Variants in MPHOSPH10 observed in about 807,000 individuals in gnomAD.
MPHOSPH10 encodes the protein M-phase phosphoprotein 10.
In MPHOSPH10, 33 loss-of-function variants were observed where a neutral mutation model predicts 77.3. That is an observed-to-expected ratio of 0.43 (90% CI 0.32 to 0.57). MPHOSPH10 has a LOEUF of 0.57. MPHOSPH10 is among the 20% of genes least tolerant of loss of function. The pLI, the probability that MPHOSPH10 is intolerant of heterozygous loss-of-function variation, is 0.07. For missense variants in MPHOSPH10, 708 were observed against 780.1 expected, an observed-to-expected ratio of 0.91 and a Z score of 1.10; for synonymous variants, 245 against 268.0, an observed-to-expected ratio of 0.91 and a Z score of 0.84.
At position 71,130,735 on chromosome 2, in the gene MPHOSPH10, C is replaced by G. The variant is rs758121357; in HGVS notation, c.70C>G (p.Arg24Gly). The change falls in exon 1 of 11, where the codon CGG becomes GGG. Residue 24 changes from arginine to glycine, a missense_variant. Transcript: ENST00000244230. ...CLTEVGKATG[R>G]PECFLTIQEG... is the part of the protein sequence containing the mutation. ...GACGGAAGTCGGCAAAGCCACGGGT[C>G]GGCCCGAGTGCTTCCTCACGTAAGT... is the stretch of plus-strand genomic sequence containing the variant. The G allele has an allele frequency of 6.2e-7, 1 of 1,610,088 alleles. No individual in the cohort carries two copies. Among genetic ancestry groups the G allele is most frequent in the South Asian group, 1.1e-5 (1 of 90,770 alleles).
Position 71,139,820 on chromosome 2 carries a change from C to T in MPHOSPH10, c.1266C>T (p.Thr422=), listed in dbSNP as rs1291873463. The change falls in exon 6 of 11, where the codon ACC becomes ACT. Residue 422 remains threonine (T), a synonymous_variant. Transcript: ENST00000244230. ...RMAPVITEET[T]LQLEDIIKQR... The stretch of plus-strand genomic sequence containing the variant: ...CACCTGTGATTACAGAGGAAACCAC[C>T]CTTCAACTGGAAGATATCATTAAAC... 6 of 1,609,576 alleles carry T rather than the reference C, an allele frequency of 3.7e-6. No individual in the cohort carries two copies. Among genetic ancestry groups the T allele is most frequent in the Non-Finnish European group, 5.1e-6 (6 of 1,177,930 alleles).
In MPHOSPH10 at chr2:71,138,571, A is replaced by C. The variant is rs1673542376; in HGVS notation, c.1180A>C (p.Lys394Gln). 1 of 1,614,092 alleles carries C rather than the reference A, an allele frequency of 6.2e-7. No individual in the cohort carries two copies. Among genetic ancestry groups the C allele is most frequent in the African/African-American group, 1.3e-5 (1 of 74,938 alleles). Reference sequence around the variant, plus strand: ...GCTTCAGGGGGAAGTGACAGCACAGAAGAGGCCAGAGAACAGCCTCCTGGA... The same window carrying C: ...GCTTCAGGGGGAAGTGACAGCACAGCAGAGGCCAGAGAACAGCCTCCTGGA... ...WQLQGEVTAQ[K>Q]RPENSLLEET... Residue 394 changes from lysine to glutamine, a missense_variant, in exon 5 of 11, where the codon AAG becomes CAG. Physicochemically the swap from Lys to Gln is moderately conservative, Grantham distance 53. Around this residue, in one of 3 missense-constraint regions of MPHOSPH10, gnomAD observed 12 missense variants for 27.6 expected, o/e 0.44. Coordinates refer to ENST00000244230, the MANE Select transcript of MPHOSPH10 (RefSeq NM_005791.3).
chr2:71,139,750 T>G (rs754935624), intron 5 of MPHOSPH10, 45 bp from the exon 6 acceptor site: 8 of 1,373,456 alleles, frequency 5.8e-6, no homozygotes, highest in Non-Finnish European at 7.2e-6. Flanking sequence ...GAATCAATGG[T>G]CTAGTGGATA....
chr2:71,147,848 A>G (rs1673748291), intron 8 of MPHOSPH10, 151 bp from the exon 9 acceptor site: 3 of 608,430 alleles, frequency 4.9e-6, no homozygotes, highest in Non-Finnish European at 8.5e-6. Flanking sequence ...AATAGTCTCC[A>G]TTAGGTTTGC....
rs748249290 is a variant in MPHOSPH10, at chr2:71,138,485, C to T, written c.1099-5C>T. On this transcript the variant is annotated splice_polypyrimidine_tract_variant and splice_region_variant and intron_variant, in intron 4 of 10. Coordinates refer to ENST00000244230, the MANE Select transcript of MPHOSPH10 (RefSeq NM_005791.3). ...TGTATACTAGTTATTTTATCTCTTT[C>T]TTAGATGAATGAAAAAATTGCATCT... 2 of 1,566,200 alleles carry T rather than the reference C, an allele frequency of 1.3e-6. No individual in the cohort carries two copies. Among genetic ancestry groups the T allele is most frequent in the African/African-American group, 2.8e-5 (2 of 72,476 alleles).
At chr2:71,144,380 A>C in intron 7 of MPHOSPH10, 48 bp from the exon 8 acceptor site, 1 of 1,338,902 alleles carries the variant, frequency 7.5e-7, no homozygotes, top group Non-Finnish European at 1.1e-6. Flanking sequence ...TTGTCCTGTG[A>C]TATATATCAA....
Position 71,148,080 on chromosome 2 carries a change from G to T in MPHOSPH10, c.1639G>T (p.Ala547Ser), listed in dbSNP as rs773869811. The T allele has an allele frequency of 5.6e-6, 9 of 1,613,920 alleles. No homozygotes were observed. In the Admixed American group the frequency reaches 1.5e-4, roughly 27 times the overall value. Residue 547 changes from alanine to serine, a missense_variant, in exon 9 of 11, where the codon GCT becomes TCT. Transcript: ENST00000244230. The part of the protein sequence containing the change: ...EVAPVSVSDA[A>S]LLAPEEIKEK... The stretch of plus-strand genomic sequence containing the variant: ...AGCCCCAGTGAGTGTTAGTGATGCA[G>T]CTCTCCTGGCCCCAGAGGAGATCAA...
intron 8 of MPHOSPH10, among the ~76,000 whole-genome samples, chr2:71,145,557 T>C (rs1673690946): frequency 1.3e-5 from 2 of 151,240 alleles, no homozygotes; most frequent in South Asian, 4.3e-4. Flanking sequence ...TGTAATTACA[T>C]GCAAGTAAGT....
chr2:71,144,438 CAGA>C lies in MPHOSPH10; in HGVS notation c.1465_1467del (p.Glu489del), dbSNP rs577215721. On this transcript the variant is annotated inframe_deletion, in exon 8 of 11. Coordinates refer to ENST00000244230, the MANE Select transcript of MPHOSPH10 (RefSeq NM_005791.3). The stretch of plus-strand genomic sequence containing the variant: ...AACTTATTTCCTAAGCAAAAAACAG[CAGA>C]AGAAGAAAATCCAGAACATGTAGAA... The C allele has an allele frequency of 8.7e-5, 140 of 1,613,320 alleles. 1 individual carries two copies. In the South Asian group the frequency reaches 9.9e-4, roughly 11 times the overall value.
intron 10 of MPHOSPH10, 53 bp downstream of exon 10, chr2:71,149,506 A>C: frequency 6.6e-7 from 1 of 1,508,030 alleles, no homozygotes; most frequent in African/African-American, 1.4e-5. Context: ...GGGGAAGTGG[A>C]TAGCAAGTGC....
At chr2:71,136,428 T>A (rs942588597) in intron 4 of MPHOSPH10, among the ~76,000 whole-genome samples, 6 of 151,624 alleles carry the variant, frequency 4.0e-5, no homozygotes, top group African/African-American at 1.5e-4. Flanking sequence ...TGGGGGAGGA[T>A]CTCTTGAGTC....
At chr2:71,131,779 A>G (rs1673386186) in intron 1 of MPHOSPH10, among the ~76,000 whole-genome samples, 1 of 152,198 alleles carries the variant, frequency 6.6e-6, no homozygotes, top group African/African-American at 2.4e-5. Context: ...TTGATCAGTT[A>G]AGGTAGGGCA....
rs765235052 is a variant in MPHOSPH10 at position 71,149,916 on chromosome 2, A to T, written c.1947A>T (p.Lys649Asn). 8.9e-6 allele frequency: 14 copies of T among 1,576,626 alleles called. No homozygotes were observed. The South Asian group carries it at 1.7e-4, about 19-fold the overall frequency. ...AGTCCTCTCAAGCATTCTTTTCTAA[A>T]TTACAAGATCAAGTAAAAATGCAAA... ...ALKSSQAFFS[K>N]LQDQVKMQIN... The change falls in exon 11 of 11, where the codon AAA (lysine) becomes AAT (asparagine). Residue 649 changes from lysine to asparagine, a missense_variant. Transcript: ENST00000244230.
At chr2:71,136,824 A>G (rs1673500268) in intron 4 of MPHOSPH10, among the ~76,000 whole-genome samples, 1 of 150,952 alleles carries the variant, frequency 6.6e-6, no homozygotes, top group Non-Finnish European at 1.5e-5. Context: ...TTCCACATAT[A>G]AAGAATAAAG....
chr2:71,149,588 G>A lies in MPHOSPH10; in HGVS notation c.1896+135G>A, dbSNP rs1463038428. 3.8e-5 allele frequency: 33 copies of A among 859,978 alleles called. No homozygotes were observed. The East Asian group carries it at 8.7e-4, about 23-fold the overall frequency. 53.3% of individuals were successfully genotyped at this position (859,978 alleles called of 1,614,324 possible). On this transcript the variant is annotated intron_variant, in intron 10 of 10. Transcript: ENST00000244230. Reference sequence around the variant, plus strand: ...AGAGATGCATGATGCTGACTGGCTGGAATCGCAACCTTTAATGTTCTAGAA... The same window carrying A: ...AGAGATGCATGATGCTGACTGGCTGAAATCGCAACCTTTAATGTTCTAGAA...
chr2:71,146,628 G>A (rs1284216758), intron 8 of MPHOSPH10, among the ~76,000 whole-genome samples: 2 of 152,014 alleles, frequency 1.3e-5, no homozygotes, highest in African/African-American at 4.8e-5. Context: ...GTGAGTTACC[G>A]TGCCCAGCAT....
chr2:71,149,301 A>G lies in MPHOSPH10; in HGVS notation c.1744A>G (p.Lys582Glu). ...CAAGAAACGAGAGCGAAGGAAAAAG[A>G]AATATCAAAAGCGTATGAAAATAAA... The part of the protein sequence containing the change: ...TDKKRERRKK[K>E]YQKRMKIKEK... Residue 582 changes from lysine to glutamate, a missense_variant, in exon 10 of 11, where the codon AAA (lysine) becomes GAA (glutamate). By Grantham distance (56) the Lys-to-Glu change is moderately conservative (BLOSUM62 1). This residue lies in a region of MPHOSPH10 where 263 missense variants were observed against 320.0 expected (regional missense o/e 0.82). Coordinates refer to ENST00000244230, the MANE Select transcript of MPHOSPH10 (RefSeq NM_005791.3). 2 of 1,610,658 alleles carry G rather than the reference A, an allele frequency of 1.2e-6. No homozygotes were observed. Among genetic ancestry groups the G allele is most frequent in the South Asian group, 2.2e-5 (2 of 90,350 alleles).
At chr2:71,145,815 G>A (rs57373874) in intron 8 of MPHOSPH10, among the ~76,000 whole-genome samples, 6,160 of 151,932 alleles carry the variant, frequency 0.041, 375 homozygotes, top group African/African-American at 0.13. Flanking sequence ...AGTCCCTTGC[G>A]CTTTCTCACT....
intron 1 of MPHOSPH10, 21 bp downstream of exon 1, chr2:71,130,775 C>T: frequency 6.3e-7 from 1 of 1,591,348 alleles, no homozygotes. Flanking sequence ...AGATCCCGGG[C>T]TCGGGGTGCG....
Sources: allele counts gnomAD v4.1 joint callset (sites outside exome capture counted in the v4.1 genomes callset), GRCh38; gene constraint gnomAD v4.1.1; regional missense constraint gnomAD v4.1.1; transcripts MANE v1.5; gene names NCBI Gene and HGNC (gene_info 2026-07-23, HGNC 2026-07-21).